Variants in PTPRN2 observed in about 807,000 individuals in gnomAD.
PTPRN2 encodes protein tyrosine phosphatase receptor type N2.
PTPRN2 carries 74 observed loss-of-function variants against 118.8 expected under a neutral mutation model. That is an observed-to-expected ratio of 0.62 (90% CI 0.52 to 0.76). The LOEUF is 0.76. Among genes scored for constraint, PTPRN2 ranks in the 30% least tolerant of loss-of-function variants. The pLI, the probability that PTPRN2 is intolerant of heterozygous loss-of-function variation, is 0.00. For missense variants in PTPRN2, 1,481 were observed against 1,394.4 expected (o/e 1.06, Z -0.99); for synonymous variants, 641 against 608.0 (o/e 1.05, Z -0.80).
rs1461645581 is a variant in PTPRN2 at position 157,697,534 on chromosome 7, A to G, written c.1789-14597T>C. On this transcript the variant is annotated intron_variant, in intron 12 of 22. Coordinates refer to ENST00000389418, the MANE Select transcript of PTPRN2 (RefSeq NM_002847.5). ...CTCACCATCTACCCATGCATACTGG[A>G]TCTTGGCAGAGCCCTCACCATCTAC... Among the ~76,000 whole-genome samples the G allele has an allele frequency of 2.8e-3, 235 of 83,820 alleles. No homozygotes were observed. The Middle Eastern group carries it at 0.029, about 10-fold the overall frequency. 55.0% of individuals were successfully genotyped at this position (83,820 alleles called of 152,430 possible).
chr7:158,007,805 GTA>G (rs1491344435), intron 11 of PTPRN2, among the ~76,000 whole-genome samples: 15 of 147,710 alleles, frequency 1.0e-4, no homozygotes, highest in Non-Finnish European at 1.5e-5. Context: ...TGGGTGTGCT[GTA>G]TGTGTGTGGG....
At chr7:158,128,371 C>T (rs141401056) in intron 9 of PTPRN2, among the ~76,000 whole-genome samples, 6 of 152,112 alleles carry the variant, frequency 3.9e-5, no homozygotes, top group East Asian at 3.9e-4. Context: ...CAGTTGAAGT[C>T]GCAAAGGAAA....
intron 2 of PTPRN2, among the ~76,000 whole-genome samples, chr7:158,405,927 C>T (rs540744525): frequency 8.8e-5 from 13 of 147,930 alleles, no homozygotes; most frequent in African/African-American, 3.3e-4. Flanking sequence ...GACACGTGGC[C>T]GCACACTGAG....
intron 11 of PTPRN2, among the ~76,000 whole-genome samples, chr7:157,937,996 A>G (rs1360973605): frequency 6.6e-6 from 1 of 152,212 alleles, no homozygotes; most frequent in Non-Finnish European, 1.5e-5. Flanking sequence ...GCAATGTGGC[A>G]TGCGGAGCCA....
rs1803836581 is a variant in PTPRN2 at position 157,629,955 on chromosome 7, T to G, written c.2197-8446A>C. Among the ~76,000 whole-genome samples the G allele has an allele frequency of 6.6e-6, 1 of 152,254 alleles. No individual in the cohort carries two copies. The highest frequency in any genetic ancestry group is 2.4e-5 in the African/African-American group (1 of 41,470). ...AAAGCAAGGACTAAGCTGCTTCCAC[T>G]GCCACTTGGGGAAATGATGACCTTT... is the stretch of plus-strand genomic sequence containing the variant. On this transcript the variant is annotated intron_variant, in intron 14 of 22. Transcript: ENST00000389418. The surrounding 1 kb of genome is among the most constrained non-coding windows in gnomAD (Gnocchi z 4.4).
At chr7:158,045,287 A>C (rs1808759037) in intron 11 of PTPRN2, among the ~76,000 whole-genome samples, 1 of 152,228 alleles carries the variant, frequency 6.6e-6, no homozygotes, top group African/African-American at 2.4e-5. Flanking sequence ...TCTGTCGGGA[A>C]GCTCCAAATG....
intron 14 of PTPRN2, among the ~76,000 whole-genome samples, chr7:157,653,609 A>C (rs986253223): frequency 1.3e-5 from 2 of 152,100 alleles, no homozygotes; most frequent in African/African-American, 2.4e-5. Flanking sequence ...CTGTGGCGTG[A>C]GTCTGTGCCT....
At chr7:158,314,492 C>G (rs1284166766) in intron 3 of PTPRN2, among the ~76,000 whole-genome samples, 3 of 152,270 alleles carry the variant, frequency 2.0e-5, no homozygotes, top group Admixed American at 1.3e-4. Context: ...TATCTACGTG[C>G]CCTGCCAAGC....
rs201765153 is a variant in PTPRN2, at chr7:158,230,111, G to GA, written c.278-24839dup. Among the ~76,000 whole-genome samples the GA allele has an allele frequency of 5.8e-3, 877 of 152,134 alleles. 3 individuals carry two copies. Among genetic ancestry groups the GA allele is most frequent in the Non-Finnish European group, 9.0e-3 (615 of 67,986 alleles). ...TGACATTTGCAAAGTGCTGGAAGGA[G>GA]AAAAAAATGAAAAACCTGTCACCCA... On this transcript the variant is annotated intron_variant, in intron 3 of 22. Transcript: ENST00000389418.
intron 5 of PTPRN2, among the ~76,000 whole-genome samples, chr7:158,188,229 G>C (rs112270407): frequency 1.5e-5 from 1 of 67,570 alleles, no homozygotes; most frequent in Non-Finnish European, 3.1e-5. Context: ...GGGGAAGGCC[G>C]CCACGCTTGC....
chr7:158,144,937 C>T (rs1272556822), intron 6 of PTPRN2, among the ~76,000 whole-genome samples: 1 of 150,774 alleles, frequency 6.6e-6, no homozygotes, highest in Admixed American at 6.6e-5. Flanking sequence ...TCCAGAATGC[C>T]ACGGCTCGGC....
intron 14 of PTPRN2, among the ~76,000 whole-genome samples, chr7:157,624,524 G>C (rs139918250): frequency 6.6e-6 from 1 of 152,104 alleles, no homozygotes; most frequent in Non-Finnish European, 1.5e-5. Context: ...CTCTGCTGCT[G>C]GGCAAACCCA....
At chr7:158,375,982 G>A (rs919145177) in intron 2 of PTPRN2, among the ~76,000 whole-genome samples, 4 of 152,074 alleles carry the variant, frequency 2.6e-5, no homozygotes, top group African/African-American at 4.8e-5. Flanking sequence ...CTTCCTGGAC[G>A]CCAGATAAGA....
intron 2 of PTPRN2, among the ~76,000 whole-genome samples, chr7:158,372,417 C>T (rs1428036521): frequency 1.4e-5 from 2 of 145,960 alleles, no homozygotes; most frequent in Non-Finnish European, 3.0e-5. Flanking sequence ...GCTGGTCCCC[C>T]CAACACTGGT....
intron 16 of PTPRN2, among the ~76,000 whole-genome samples, chr7:157,602,186 C>T (rs1182018863): frequency 2.0e-5 from 3 of 152,216 alleles, no homozygotes; most frequent in Non-Finnish European, 4.4e-5. Context: ...AAACAGAAAC[C>T]TGGGTTCAGG....
chr7:158,236,236 G>T (rs1444426761), intron 3 of PTPRN2, among the ~76,000 whole-genome samples: 1 of 152,164 alleles, frequency 6.6e-6, no homozygotes, highest in Non-Finnish European at 1.5e-5. Flanking sequence ...AAATGAAGAT[G>T]CTGCTGACAT....
Position 158,015,302 on chromosome 7 carries a change from C to T in PTPRN2, c.1723+65996G>A, listed in dbSNP as rs1002942430. 6.6e-6 allele frequency among the ~76,000 whole-genome samples: 1 copy of T among 152,192 alleles called. No individual in the cohort carries two copies. The highest frequency in any genetic ancestry group is 6.5e-5 in the Admixed American group (1 of 15,288). Reference sequence around the variant, plus strand: ...GCCATTATACCTTTAGTTCCCTCTTCCCCACTTGTTCTCTGATTGTTCATT... The same window carrying T: ...GCCATTATACCTTTAGTTCCCTCTTTCCCACTTGTTCTCTGATTGTTCATT... On this transcript the variant is annotated intron_variant, in intron 11 of 22. Transcript: ENST00000389418. This position sits in a 1 kb window ranked among gnomAD's most constrained non-coding sequence, Gnocchi z 4.2.
chr7:158,203,461 T>C (rs1465595407), intron 4 of PTPRN2, among the ~76,000 whole-genome samples: 1 of 152,184 alleles, frequency 6.6e-6, no homozygotes, highest in Non-Finnish European at 1.5e-5. Context: ...TAACGTTGTT[T>C]AGAAGGCACA....
At chr7:158,092,382 G>A (rs1200354459) in intron 10 of PTPRN2, among the ~76,000 whole-genome samples, 1 of 151,286 alleles carries the variant, frequency 6.6e-6, no homozygotes, top group Non-Finnish European at 1.5e-5. Flanking sequence ...GGGTAGAGAG[G>A]TGGATAAGTG....
Sources: gnomAD v4.1 joint callset for allele counts (sites outside exome capture counted in the v4.1 genomes callset) on GRCh38, gnomAD v4.1.1 for gene constraint, Gnocchi (gnomAD v3.1) non-coding constraint, MANE v1.5 for transcripts, NCBI Gene and HGNC (gene_info 2026-07-23, HGNC 2026-07-21) for gene names.